Variants in EIF2A observed in about 807,000 individuals in gnomAD.
EIF2A encodes the protein eukaryotic translation initiation factor 2A.
Under a neutral mutation model 75.2 loss-of-function variants are expected in EIF2A, and 62 were observed. The ratio of observed to expected loss-of-function variants is 0.82; its 90% confidence interval spans 0.67 to 1.02. The LOEUF is 1.02. Among genes scored for constraint, EIF2A ranks in the 50% least tolerant of loss-of-function variants. EIF2A has a pLI of 0.00. For synonymous variants in EIF2A, 207 were observed against 239.0 expected (o/e 0.87, Z 1.23); for missense variants, 611 against 677.7 (o/e 0.90, Z 1.09).
intron 5 of EIF2A, 101 bp downstream of exon 5, chr3:150,563,715 C>A: frequency 3.1e-6 from 3 of 957,000 alleles, no homozygotes; most frequent in Non-Finnish European, 4.5e-6. Flanking sequence ...AATAACTTAT[C>A]AGACAAAAAT....
At chr3:150,557,724 A>G in intron 2 of EIF2A, 3 of 374,760 alleles carry the variant, frequency 8.0e-6, no homozygotes, top group East Asian at 1.2e-4. Flanking sequence ...ATGTTTTATT[A>G]TCTATAAACT....
chr3:150,547,622 A>G (rs904192049), intron 1 of EIF2A, among the ~76,000 whole-genome samples: 5 of 152,220 alleles, frequency 3.3e-5, no homozygotes, highest in Non-Finnish European at 7.3e-5. Context: ...ATAACTATAT[A>G]GAAGGAAAAA....
chr3:150,564,436 C>T, intron 6 of EIF2A, 55 bp downstream of exon 6: 1 of 1,382,414 alleles, frequency 7.2e-7, no homozygotes, highest in Non-Finnish European at 9.8e-7. Context: ...TATACAGTTT[C>T]CATTAACTTT....
intron 12 of EIF2A, among the ~76,000 whole-genome samples, chr3:150,582,478 C>A (rs1393518744): frequency 1.3e-5 from 2 of 151,828 alleles, no homozygotes; most frequent in Non-Finnish European, 2.9e-5. Flanking sequence ...CCACACCTGG[C>A]TAATTTTTTG....
At chr3:150,579,211 C>T (rs1725040913) in intron 11 of EIF2A, among the ~76,000 whole-genome samples, 1 of 152,008 alleles carries the variant, frequency 6.6e-6, no homozygotes, top group Admixed American at 6.6e-5. Context: ...GGCAGAATAT[C>T]CCCTCTTCTT....
chr3:150,579,611 A>G (rs1725056630), intron 11 of EIF2A, among the ~76,000 whole-genome samples: 1 of 151,102 alleles, frequency 6.6e-6, no homozygotes, highest in South Asian at 2.1e-4. Flanking sequence ...TCTACTTGGG[A>G]GGCTGAGGCA....
Position 150,562,539 on chromosome 3 carries a change from C to T in EIF2A, c.174-3C>T. On this transcript the variant is annotated splice_region_variant and splice_polypyrimidine_tract_variant and intron_variant, in intron 3 of 13. Transcript: ENST00000460851. Reference sequence around the variant, plus strand: ...TTGCTGAAATAATTTCTTTTGAAACCAGAGTAAATATTATCAGTGTCACTA... The same window carrying T: ...TTGCTGAAATAATTTCTTTTGAAACTAGAGTAAATATTATCAGTGTCACTA... 1 of 1,605,332 alleles carries T rather than the reference C, an allele frequency of 6.2e-7. No individual in the cohort carries two copies. Among genetic ancestry groups the T allele is most frequent in the Non-Finnish European group, 8.5e-7 (1 of 1,174,104 alleles).
chr3:150,583,313 C>T, intron 13 of EIF2A, 48 bp downstream of exon 13: 1 of 1,543,858 alleles, frequency 6.5e-7, no homozygotes, highest in South Asian at 1.2e-5. Context: ...ACCAGCCTTC[C>T]CCCTTTTATT....
intron 11 of EIF2A, among the ~76,000 whole-genome samples, chr3:150,580,905 T>G (rs1725146232): frequency 6.6e-6 from 1 of 152,204 alleles, no homozygotes; most frequent in South Asian, 2.1e-4. Context: ...GCTGAGAGAT[T>G]TCATCACACA....
chr3:150,570,742 G>A (rs1184763794), intron 9 of EIF2A, among the ~76,000 whole-genome samples: 2 of 152,138 alleles, frequency 1.3e-5, no homozygotes, highest in East Asian at 3.9e-4. Flanking sequence ...TTGAAGGATA[G>A]TGAGGGGGAA....
intron 1 of EIF2A, among the ~76,000 whole-genome samples, chr3:150,551,461 G>C (rs905600204): frequency 1.3e-5 from 2 of 152,136 alleles, no homozygotes; most frequent in South Asian, 4.1e-4. Context: ...GGCTAGGTGC[G>C]GTGGCTCACA....
chr3:150,564,537 T>G, intron 6 of EIF2A, 156 bp downstream of exon 6: 1 of 508,084 alleles, frequency 2.0e-6, no homozygotes, highest in Non-Finnish European at 3.2e-6. Flanking sequence ...TAAGTCTGAA[T>G]TCAGTGAAAA....
intron 2 of EIF2A, among the ~76,000 whole-genome samples, chr3:150,558,149 AG>A (rs1413315186): frequency 1.3e-5 from 2 of 152,178 alleles, no homozygotes; most frequent in African/African-American, 4.8e-5. Context: ...TTCACCCAAA[AG>A]GGCTCTATTT....
chr3:150,575,337 T>A (rs898953360), intron 10 of EIF2A, among the ~76,000 whole-genome samples: 1 of 152,160 alleles, frequency 6.6e-6, no homozygotes, highest in African/African-American at 2.4e-5. Context: ...GAAGAAGCTG[T>A]TGTTGGTATC....
At chr3:150,574,316 T>C (rs1724735481) in intron 10 of EIF2A, among the ~76,000 whole-genome samples, 1 of 152,188 alleles carries the variant, frequency 6.6e-6, no homozygotes, top group African/African-American at 2.4e-5. Flanking sequence ...TGGATTTTTT[T>C]CGTCTCAAGT....
intron 7 of EIF2A, 37 bp from the exon 8 acceptor site, chr3:150,567,865 A>C: frequency 6.3e-7 from 1 of 1,580,416 alleles, no homozygotes. Flanking sequence ...TTTATTCTTC[A>C]AAAAATTAAG....
intron 12 of EIF2A, among the ~76,000 whole-genome samples, 170 bp downstream of exon 12, chr3:150,581,916 A>G (rs532994670): frequency 2.4e-4 from 37 of 152,296 alleles, no homozygotes; most frequent in African/African-American, 8.2e-4. Flanking sequence ...TATTGATTTT[A>G]GTTCTATTCA....
intron 11 of EIF2A, among the ~76,000 whole-genome samples, chr3:150,576,962 C>T (rs1449112556): frequency 6.6e-6 from 1 of 152,172 alleles, no homozygotes; most frequent in Non-Finnish European, 1.5e-5. Context: ...ATGGTGATCA[C>T]ATTTTTGCAA....
intron 2 of EIF2A, among the ~76,000 whole-genome samples, chr3:150,557,351 G>A (rs1723619276): frequency 6.6e-6 from 1 of 152,160 alleles, no homozygotes; most frequent in African/African-American, 2.4e-5. Context: ...TAAGTGTAGG[G>A]TAGTATAGGA....
Sources: allele counts gnomAD v4.1 joint callset (sites outside exome capture counted in the v4.1 genomes callset), GRCh38; gene constraint gnomAD v4.1.1; transcripts MANE v1.5; gene names NCBI Gene and HGNC (gene_info 2026-07-23, HGNC 2026-07-21).